CNTN5: variants seen among roughly 807,000 people sequenced by gnomAD.
CNTN5 encodes contactin-5.
Under a neutral mutation model 129.1 loss-of-function variants are expected in CNTN5, and 77 were observed. The observed-to-expected ratio is 0.60, with a 90% CI of 0.50 to 0.72. The LOEUF (loss-of-function observed/expected upper bound fraction) is 0.72, where lower values mean the gene tolerates loss of function less well. Ranked by LOEUF, CNTN5 falls within the 30% of genes least tolerant of loss-of-function variation. CNTN5 has a pLI of 0.00. For synonymous variants in CNTN5, 509 were observed against 465.6 expected, an observed-to-expected ratio of 1.09 and a Z score of -1.20; for missense variants, 1,478 against 1,328.8, an observed-to-expected ratio of 1.11 and a Z score of -1.75.
chr11:99,541,975 A>AG (rs1565277319), intron 2 of CNTN5, among the ~76,000 whole-genome samples: 3 of 121,366 alleles, frequency 2.5e-5, no homozygotes, highest in South Asian at 2.6e-4. Flanking sequence ...AAAAAAAAAA[A>AG]AAAAGAAAAG....
chr11:99,528,752 A>G (rs997960025), intron 2 of CNTN5, among the ~76,000 whole-genome samples: 2 of 152,204 alleles, frequency 1.3e-5, no homozygotes, highest in Non-Finnish European at 2.9e-5. Flanking sequence ...AAGGTGACAT[A>G]AGAAAGGTCA....
At chr11:99,352,118 A>G (rs1427675551) in intron 2 of CNTN5, among the ~76,000 whole-genome samples, 3 of 152,214 alleles carry the variant, frequency 2.0e-5, no homozygotes, top group African/African-American at 7.2e-5. Flanking sequence ...AATTCTTCAA[A>G]GTGTCAGATT....
intron 2 of CNTN5, among the ~76,000 whole-genome samples, chr11:99,368,950 G>T (rs958898376): frequency 1.3e-5 from 2 of 151,874 alleles, no homozygotes; most frequent in Admixed American, 6.6e-5. Context: ...AAGGGAATGT[G>T]TTCAGCATGT....
chr11:100,312,365 T>C (rs934342707), intron 21 of CNTN5, among the ~76,000 whole-genome samples: 1 of 152,042 alleles, frequency 6.6e-6, no homozygotes, highest in Non-Finnish European at 1.5e-5. Context: ...CTCTTTTCTG[T>C]ATTCTTTTTC....
At chr11:99,313,885 T>C (rs1865223361) in intron 1 of CNTN5, among the ~76,000 whole-genome samples, 1 of 152,040 alleles carries the variant, frequency 6.6e-6, no homozygotes. Flanking sequence ...TCGTAGACTT[T>C]CTTGACCCAA....
At chr11:99,713,975 A>G (rs1443111511) in intron 3 of CNTN5, among the ~76,000 whole-genome samples, 1 of 151,950 alleles carries the variant, frequency 6.6e-6, no homozygotes, top group Non-Finnish European at 1.5e-5. Context: ...GGGACCATGC[A>G]TGGCATTGAA....
intron 1 of CNTN5, among the ~76,000 whole-genome samples, chr11:99,090,721 GA>G (rs934808247): frequency 0.16 from 15,502 of 94,054 alleles, 859 homozygotes; most frequent in Non-Finnish European, 0.21. Flanking sequence ...GTGCTCACCA[GA>G]AAAAAAAAAA....
chr11:99,148,656 G>C (rs1433916793), intron 1 of CNTN5, among the ~76,000 whole-genome samples: 1 of 152,128 alleles, frequency 6.6e-6, no homozygotes, highest in Non-Finnish European at 1.5e-5. Flanking sequence ...TCTTAAGTTA[G>C]CTTGCAGTTT....
chr11:99,398,513 A>G (rs565726225), intron 2 of CNTN5, among the ~76,000 whole-genome samples: 1 of 151,854 alleles, frequency 6.6e-6, no homozygotes, highest in African/African-American at 2.4e-5. Context: ...TGTGCTTCCA[A>G]TGTTCCAGCC....
intron 4 of CNTN5, among the ~76,000 whole-genome samples, chr11:99,825,405 A>C (rs1023514371): frequency 1.3e-5 from 2 of 152,008 alleles, no homozygotes; most frequent in African/African-American, 4.8e-5. Flanking sequence ...TGTTGTTTCA[A>C]ACATATGCGT....
At chr11:99,112,583 T>C (rs1857849892) in intron 1 of CNTN5, among the ~76,000 whole-genome samples, 1 of 152,024 alleles carries the variant, frequency 6.6e-6, no homozygotes, top group Non-Finnish European at 1.5e-5. Flanking sequence ...AGATAATGCA[T>C]TTGCCACTCG....
At chr11:99,845,765 A>G (rs954977493) in intron 6 of CNTN5, among the ~76,000 whole-genome samples, 9 of 152,110 alleles carry the variant, frequency 5.9e-5, no homozygotes, top group Non-Finnish European at 1.2e-4. Flanking sequence ...TTTTCATGAA[A>G]GTAGATAAAG....
rs1565258975 is a variant in CNTN5 at position 99,523,719 on chromosome 11, TA to T, written c.-70-32425del. Among the ~76,000 whole-genome samples the T allele has an allele frequency of 3.3e-3, 477 of 143,370 alleles. 15 individuals carry two copies. Among genetic ancestry groups the T allele is most frequent in the Admixed American group, 0.025 (358 of 14,054 alleles). The allele number at this position is 143,370 out of a possible 152,430, so 94.1% of individuals were successfully genotyped here. ...CAGAATAGAACAGAATAGAATAGAA[TA>T]GAATAGAATATGTGTTTGTTTTTGT... On this transcript the variant is annotated intron_variant, in intron 2 of 24. Coordinates refer to ENST00000524871, the MANE Select transcript of CNTN5 (RefSeq NM_014361.4).
intron 1 of CNTN5, among the ~76,000 whole-genome samples, chr11:99,258,916 C>A (rs549660828): frequency 1.3e-5 from 2 of 151,550 alleles, no homozygotes; most frequent in Non-Finnish European, 2.9e-5. Context: ...TACTCATATC[C>A]AAAAGGATAC....
At chr11:99,174,038 C>T (rs548202402) in intron 1 of CNTN5, among the ~76,000 whole-genome samples, 6 of 152,222 alleles carry the variant, frequency 3.9e-5, no homozygotes, top group South Asian at 2.1e-4. Context: ...CATTCTGTCA[C>T]GCAGGCTGGA....
intron 16 of CNTN5, among the ~76,000 whole-genome samples, chr11:100,228,427 A>G (rs1425600836): frequency 1.3e-5 from 2 of 151,904 alleles, no homozygotes; most frequent in African/African-American, 4.8e-5. Flanking sequence ...ATCACTTCCT[A>G]TTGCTAACAG....
chr11:100,048,550 A>T (rs1350993881), intron 9 of CNTN5, among the ~76,000 whole-genome samples: 1 of 152,120 alleles, frequency 6.6e-6, no homozygotes, highest in African/African-American at 2.4e-5. Flanking sequence ...TCTTTATGAA[A>T]GTTTTAGAAT....
intron 1 of CNTN5, among the ~76,000 whole-genome samples, chr11:99,226,920 A>G (rs1365306514): frequency 6.6e-6 from 1 of 152,240 alleles, no homozygotes; most frequent in Non-Finnish European, 1.5e-5. Context: ...TACCTCGTAT[A>G]CAGATAATGT....
Position 100,299,638 on chromosome 11 carries a change from C to A in CNTN5, c.2620+242C>A, listed in dbSNP as rs543652918. On this transcript the variant is annotated intron_variant, in intron 20 of 24. Transcript: ENST00000524871. The stretch of plus-strand genomic sequence containing the variant: ...CTAACAATATATGGCAAACATATAT[C>A]CATGAAAACAACAATATCAGTAATC... Among the ~76,000 whole-genome samples, 10 of 151,346 alleles carry A rather than the reference C, an allele frequency of 6.6e-5. No homozygotes were observed. In the South Asian group the frequency reaches 1.9e-3, roughly 28 times the overall value.
Sources: gnomAD v4.1 joint callset for allele counts (sites outside exome capture counted in the v4.1 genomes callset) on GRCh38, gnomAD v4.1.1 for gene constraint, MANE v1.5 for transcripts, NCBI Gene and HGNC (gene_info 2026-07-23, HGNC 2026-07-21) for gene names.